ABLIM3: variants seen among roughly 807,000 people sequenced by gnomAD.
ABLIM3 encodes the protein actin-binding LIM protein 3.
In ABLIM3, 61 loss-of-function variants were observed where a neutral mutation model predicts 109.5. The ratio of observed to expected loss-of-function variants is 0.56; its 90% CI spans 0.45 to 0.69. ABLIM3 has a LOEUF of 0.69. Ranked by LOEUF, ABLIM3 falls within the 30% of genes least tolerant of loss-of-function variation. The pLI is 0.00. For missense variants in ABLIM3, 796 were observed against 889.5 expected (o/e 0.89, Z 1.34); for synonymous variants, 300 against 324.8 (o/e 0.92, Z 0.82).
chr5:149,185,772 A>T (rs1405355070), intron 3 of ABLIM3, among the ~76,000 whole-genome samples: 2 of 152,240 alleles, frequency 1.3e-5, no homozygotes, highest in Non-Finnish European at 2.9e-5. Flanking sequence ...AAAAATTGTT[A>T]TGAATTTCTT....
chr5:149,225,976 G>A (rs113169652), intron 8 of ABLIM3, among the ~76,000 whole-genome samples: 66 of 38,516 alleles, frequency 1.7e-3, no homozygotes, highest in African/African-American at 4.1e-3. Flanking sequence ...GTGTGTGTGT[G>A]TGTGTGTATA....
chr5:149,166,975 AGAG>A (rs1754896096), intron 2 of ABLIM3, among the ~76,000 whole-genome samples: 2 of 152,328 alleles, frequency 1.3e-5, no homozygotes, highest in Middle Eastern at 3.4e-3. Context: ...GGCCAGCAGA[AGAG>A]GTGTTTGTCT....
At chr5:149,155,717 C>T (rs533386215) in intron 2 of ABLIM3, among the ~76,000 whole-genome samples, 2 of 152,158 alleles carry the variant, frequency 1.3e-5, no homozygotes, top group Admixed American at 1.3e-4. Flanking sequence ...GGGATGGAGA[C>T]CGAAATAAAA....
Position 149,259,280 on chromosome 5 carries a change from G to A in ABLIM3, c.*876G>A. 2 of 1,346,340 alleles carry A rather than the reference G, an allele frequency of 1.5e-6. No individual in the cohort carries two copies. The highest frequency in any genetic ancestry group is 1.8e-5 in the South Asian group (1 of 56,180). The allele number at this position is 1,346,340 out of a possible 1,614,324, so 83.4% of individuals were successfully genotyped here. On this transcript the variant is annotated 3_prime_UTR_variant, in exon 24 of 24. Transcript: ENST00000309868. ...CCTCCTGACCCTTCCCTCTTTCAAGGAGAAGCCCATGATTGCAGCTTGTAT... is the reference window on the plus strand; with the variant it reads ...CCTCCTGACCCTTCCCTCTTTCAAGAAGAAGCCCATGATTGCAGCTTGTAT...
At chr5:149,220,055 G>A (rs1760486807) in intron 8 of ABLIM3, 3 of 152,170 alleles carry the variant, frequency 2.0e-5, no homozygotes, top group Admixed American at 1.3e-4. Context: ...AAAATAGACC[G>A]AGAACAGTTG....
intron 7 of ABLIM3, among the ~76,000 whole-genome samples, chr5:149,213,786 G>C (rs1759790461): frequency 6.6e-6 from 1 of 151,624 alleles, no homozygotes; most frequent in Admixed American, 6.6e-5. Flanking sequence ...ATTTCTACAA[G>C]GCTCCATTAG....
chr5:149,193,449 C>T (rs114559965), intron 3 of ABLIM3, among the ~76,000 whole-genome samples: 7,585 of 151,930 alleles, frequency 0.05, 579 homozygotes, highest in African/African-American at 0.17. Context: ...TATAGAATAT[C>T]ATAAGAAAGA....
chr5:149,166,231 G>T (rs956107932), intron 2 of ABLIM3, among the ~76,000 whole-genome samples: 3 of 152,128 alleles, frequency 2.0e-5, no homozygotes, highest in African/African-American at 4.8e-5. Context: ...CACTCCCTTT[G>T]TCTTATCCCA....
chr5:149,254,581 CAGA>C (rs1251017455), intron 23 of ABLIM3, among the ~76,000 whole-genome samples: 1 of 152,110 alleles, frequency 6.6e-6, no homozygotes, highest in Non-Finnish European at 1.5e-5. Context: ...ACGGTTGGGG[CAGA>C]AGGAGGGGAA....
chr5:149,142,254 G>A, intron 2 of ABLIM3, 146 bp downstream of exon 2: 3 of 1,164,056 alleles, frequency 2.6e-6, no homozygotes, highest in East Asian at 2.3e-5. Context: ...TGCTTTCCGT[G>A]CTCCTTGGCA....
rs748228172 is a variant in ABLIM3 at position 149,183,477 on chromosome 5, T to C, written c.39T>C (p.Asn13=). Reference sequence around the variant, plus strand: ...TTCCTTATCAGCAGAATCCTTACAATCCACGGGGCAGCTCCAATGTCATCC... The same window carrying C: ...TTCCTTATCAGCAGAATCCTTACAACCCACGGGGCAGCTCCAATGTCATCC... ...TSIPYQQNPY[N]PRGSSNVIQC... is the part of the protein sequence containing the mutation. Residue 13 remains asparagine, a synonymous_variant, in exon 3 of 24, where the codon AAT becomes AAC. Transcript: ENST00000309868. 6.3e-7 allele frequency: 1 copy of C among 1,577,820 alleles called. No individual in the cohort carries two copies. The highest frequency in any genetic ancestry group is 1.2e-5 in the South Asian group (1 of 86,166).
At chr5:149,163,494 C>T (rs1754561589) in intron 2 of ABLIM3, among the ~76,000 whole-genome samples, 1 of 152,092 alleles carries the variant, frequency 6.6e-6, no homozygotes, top group Non-Finnish European at 1.5e-5. Flanking sequence ...TCTAGAAGTC[C>T]AAGATCAAGG....
chr5:149,147,257 C>G (rs1753019856), intron 2 of ABLIM3, among the ~76,000 whole-genome samples: 1 of 152,004 alleles, frequency 6.6e-6, no homozygotes, highest in South Asian at 2.1e-4. Flanking sequence ...TCACTGAAGT[C>G]ATAGTTTTTA....
At chr5:149,237,658 G>C in intron 11 of ABLIM3, 55 bp downstream of exon 11, 9 of 1,604,384 alleles carry the variant, frequency 5.6e-6, no homozygotes, top group Non-Finnish European at 7.7e-6. Flanking sequence ...GATTGCTCTG[G>C]GGTCCCCAGC....
Position 149,212,890 on chromosome 5 carries a change from C to T in ABLIM3, c.669+2071C>T, listed in dbSNP as rs571266352. On this transcript the variant is annotated intron_variant, in intron 7 of 23. Coordinates refer to ENST00000309868, the MANE Select transcript of ABLIM3 (RefSeq NM_014945.5). ...CTGTAATCCCAGCACTTTGGGATGC[C>T]AACACAGGGTGATCACTTGAGTCCA... Among the ~76,000 whole-genome samples the T allele has an allele frequency of 1.1e-4, 17 of 152,182 alleles. No individual in the cohort carries two copies. The East Asian group carries it at 3.3e-3, about 29-fold the overall frequency.
chr5:149,259,251 AG>A lies in ABLIM3; in HGVS notation c.*848del. On this transcript the variant is annotated 3_prime_UTR_variant, in exon 24 of 24. Coordinates refer to ENST00000309868, the MANE Select transcript of ABLIM3 (RefSeq NM_014945.5). ...CCCTCCTCTCTCCCTCACTGCTCCC[AG>A]CACCTCCTGACCCTTCCCTCTTTCA... The A allele has an allele frequency of 7.9e-7, 1 of 1,267,326 alleles. No homozygotes were observed. Among genetic ancestry groups the A allele is most frequent in the Non-Finnish European group, 1.0e-6 (1 of 1,001,710 alleles). 78.5% of individuals were successfully genotyped at this position (1,267,326 alleles called of 1,614,324 possible).
chr5:149,216,736 A>G (rs1302560109), intron 7 of ABLIM3: 4 of 532,922 alleles, frequency 7.5e-6, no homozygotes, highest in African/African-American at 3.8e-5. Flanking sequence ...GCAGGTATTC[A>G]GGGAAGTCCC....
At position 149,141,991 on chromosome 5, in the gene ABLIM3, T is replaced by G; in HGVS notation, c.-87-18T>G. The G allele has an allele frequency of 6.5e-7, 1 of 1,527,914 alleles. No individual in the cohort carries two copies. The highest frequency in any genetic ancestry group is 9.1e-7 in the Non-Finnish European group (1 of 1,101,892). The allele number at this position is 1,527,914 out of a possible 1,614,324, so 94.6% of individuals were successfully genotyped here. A position where few individuals can be genotyped will look rare whatever the true frequency, so the allele number is the denominator to read the frequency against. ...TGAGGATACAGAGCTGGCACTGGAC[T>G]GCCTTTTCACCCCCCAGGTGATGAG... On this transcript the variant is annotated intron_variant, in intron 1 of 23. Transcript: ENST00000309868.
At chr5:149,249,965 C>A in intron 19 of ABLIM3, 121 bp downstream of exon 19, 2 of 1,197,906 alleles carry the variant, frequency 1.7e-6, no homozygotes, top group Non-Finnish European at 2.5e-6. Context: ...CACTCCTGAT[C>A]TCAAATAGTC....
Sources: gnomAD v4.1 joint callset for allele counts (sites outside exome capture counted in the v4.1 genomes callset) on GRCh38, gnomAD v4.1.1 for gene constraint, MANE v1.5 for transcripts, NCBI Gene and HGNC (gene_info 2026-07-23, HGNC 2026-07-21) for gene names.